Variants in CPNE5 observed in about 807,000 individuals in gnomAD.
CPNE5 encodes the protein copine-5.
A neutral mutation model predicts 81.1 loss-of-function variants in CPNE5; 42 were observed. The observed-to-expected ratio is 0.52, with a 90% CI of 0.40 to 0.67. The LOEUF (loss-of-function observed/expected upper bound fraction) is 0.67. Among genes scored for constraint, CPNE5 ranks in the 30% least tolerant of loss-of-function variants. The pLI is 0.00. For synonymous variants in CPNE5, 313 were observed against 321.5 expected (o/e 0.97, Z 0.28); for missense variants, 612 against 815.5 (o/e 0.75, Z 3.04).
At chr6:36,802,217 CAAAAAAAAAAAA>C (rs57677612) in intron 3 of CPNE5, among the ~76,000 whole-genome samples, 2 of 56,736 alleles carry the variant, frequency 3.5e-5, no homozygotes, top group African/African-American at 6.6e-5. Flanking sequence ...GACTCCATCT[CAAAAAAAAAAAA>C]AAAAAAAAAA....
chr6:36,807,236 G>A (rs236401), intron 3 of CPNE5, among the ~76,000 whole-genome samples: 22,634 of 152,180 alleles, frequency 0.15, 1,973 homozygotes, highest in Admixed American at 0.26. Flanking sequence ...AAGTGAAGTC[G>A]TTAATAGTGC....
At chr6:36,813,962 T>A (rs545173770) in intron 3 of CPNE5, among the ~76,000 whole-genome samples, 3 of 152,282 alleles carry the variant, frequency 2.0e-5, no homozygotes, top group Non-Finnish European at 4.4e-5. Context: ...CCCACAAAGG[T>A]CTCTTAGCCC....
intron 6 of CPNE5, among the ~76,000 whole-genome samples, chr6:36,795,173 T>G (rs911168648): frequency 6.6e-6 from 1 of 152,178 alleles, no homozygotes; most frequent in African/African-American, 2.4e-5. Context: ...TCTTTTTTAT[T>G]TTTTTATTTT....
At chr6:36,743,377 GA>G in intron 20 of CPNE5, 2 of 426,764 alleles carry the variant, frequency 4.7e-6, no homozygotes, top group South Asian at 9.7e-5. Flanking sequence ...TCAAGGGGCA[GA>G]AAAAAACCAG....
intron 3 of CPNE5, among the ~76,000 whole-genome samples, chr6:36,809,927 A>G (rs1770947646): frequency 6.6e-6 from 1 of 151,568 alleles, no homozygotes; most frequent in Non-Finnish European, 1.5e-5. Flanking sequence ...AAACACTTCC[A>G]TACATCCACG....
chr6:36,809,334 C>T (rs1260401562), intron 3 of CPNE5, among the ~76,000 whole-genome samples: 1 of 152,042 alleles, frequency 6.6e-6, no homozygotes, highest in Non-Finnish European at 1.5e-5. Flanking sequence ...AGTTGGGCAG[C>T]ACTTTGGGAG....
At chr6:36,817,661 G>A (rs551977991) in intron 3 of CPNE5, among the ~76,000 whole-genome samples, 1 of 152,260 alleles carries the variant, frequency 6.6e-6, no homozygotes, top group South Asian at 2.1e-4. Flanking sequence ...TCCCCACACT[G>A]CTCTGTGCCC....
rs182909772 is a variant in CPNE5 at position 36,748,058 on chromosome 6, T to C, written c.1018+163A>G. Among the ~76,000 whole-genome samples the C allele has an allele frequency of 1.1e-3, 165 of 152,370 alleles. 1 individual carries two copies. Among genetic ancestry groups the C allele is most frequent in the African/African-American group, 3.7e-3 (152 of 41,580 alleles). ...CAATGGTCCAACCTGGGGATACTAC[T>C]GCCATCTTGGTTGTATCTTTGGTCC... On this transcript the variant is annotated intron_variant, in intron 15 of 20. Coordinates refer to ENST00000244751, the MANE Select transcript of CPNE5 (RefSeq NM_020939.2).
At chr6:36,780,529 G>A (rs1767951830) in intron 8 of CPNE5, among the ~76,000 whole-genome samples, 1 of 152,198 alleles carries the variant, frequency 6.6e-6, no homozygotes, top group African/African-American at 2.4e-5. Flanking sequence ...TAAAATGGAG[G>A]TAATGGCAGT....
intron 3 of CPNE5, among the ~76,000 whole-genome samples, chr6:36,802,010 A>G: frequency 6.6e-6 from 1 of 152,078 alleles, no homozygotes; most frequent in South Asian, 2.1e-4. Flanking sequence ...CACGAGGTCA[A>G]GAGATCGAGA....
intron 1 of CPNE5, among the ~76,000 whole-genome samples, chr6:36,831,251 C>T (rs577543976): frequency 6.6e-5 from 10 of 151,912 alleles, no homozygotes; most frequent in African/African-American, 1.4e-4. Context: ...GATGTGGTTT[C>T]GCCATGTTGG....
chr6:36,824,967 A>C (rs1772375472), intron 1 of CPNE5, among the ~76,000 whole-genome samples: 1 of 152,016 alleles, frequency 6.6e-6, no homozygotes, highest in Non-Finnish European at 1.5e-5. Context: ...AAAACAAACA[A>C]ATGTCAGAGC....
chr6:36,794,981 C>A (rs1480732300), intron 6 of CPNE5, among the ~76,000 whole-genome samples: 1 of 152,070 alleles, frequency 6.6e-6, no homozygotes, highest in South Asian at 2.1e-4. Flanking sequence ...GACACTGGTA[C>A]CTGCTGCAGC....
intron 10 of CPNE5, among the ~76,000 whole-genome samples, chr6:36,769,178 A>G (rs1183493543): frequency 6.6e-6 from 1 of 152,214 alleles, no homozygotes; most frequent in Non-Finnish European, 1.5e-5. Context: ...TGCTGTATAC[A>G]TATTTGTTGG....
chr6:36,778,879 A>G lies in CPNE5; in HGVS notation c.607T>C (p.Phe203Leu). 6.2e-7 allele frequency: 1 copy of G among 1,605,386 alleles called. No individual in the cohort carries two copies. The highest frequency in any genetic ancestry group is 8.5e-7 in the Non-Finnish European group (1 of 1,172,594). ...FFGKSDPFLVFYRSNEDGTFT... is the reference protein window; with the variant it reads ...FFGKSDPFLVLYRSNEDGTFT... ...GTTCCATCCTCGTTGCTTCTGTAGA[A>G]TACCAAGAAGGGGTCAGATTTCCCA... The change falls in exon 9 of 21, where the codon TTC (phenylalanine) becomes CTC (leucine). Residue 203 changes from phenylalanine to leucine, a missense_variant. Coordinates refer to ENST00000244751, the MANE Select transcript of CPNE5 (RefSeq NM_020939.2).
chr6:36,745,767 G>A (rs1764089156), intron 16 of CPNE5, among the ~76,000 whole-genome samples: 1 of 152,136 alleles, frequency 6.6e-6, no homozygotes, highest in Non-Finnish European at 1.5e-5. Context: ...AAGATCCCTG[G>A]CTGCTTCCCT....
intron 3 of CPNE5, among the ~76,000 whole-genome samples, chr6:36,806,073 T>C (rs369698931): frequency 2.0e-5 from 3 of 152,252 alleles, no homozygotes; most frequent in East Asian, 3.9e-4. Flanking sequence ...AAGGTCTTCC[T>C]GCCCCACATC....
Position 36,839,405 on chromosome 6 carries a change from A to G in CPNE5, c.-28T>C. 1 of 1,523,010 alleles carries G rather than the reference A, an allele frequency of 6.6e-7. No homozygotes were observed. The highest frequency in any genetic ancestry group is 8.9e-7 in the Non-Finnish European group (1 of 1,127,432). 94.3% of individuals were successfully genotyped at this position (1,523,010 alleles called of 1,614,324 possible). ...CCCACCGCACCCCCCACCCCAAATT[A>G]GTCAATCCCTGCGCGATTCACGCCT... is the stretch of plus-strand genomic sequence containing the variant. On this transcript the variant is annotated 5_prime_UTR_variant, in exon 1 of 21. Coordinates refer to ENST00000244751, the MANE Select transcript of CPNE5 (RefSeq NM_020939.2). This position sits in a 1 kb window ranked among gnomAD's most constrained non-coding sequence, Gnocchi z 7.3.
intron 6 of CPNE5, among the ~76,000 whole-genome samples, chr6:36,797,053 C>T (rs774048996): frequency 2.6e-5 from 4 of 152,186 alleles, no homozygotes; most frequent in Non-Finnish European, 5.9e-5. Context: ...TACAGGTGTG[C>T]ACCACCACAC....
Sources: gnomAD v4.1 joint callset for allele counts (sites outside exome capture counted in the v4.1 genomes callset) on GRCh38, gnomAD v4.1.1 for gene constraint, Gnocchi (gnomAD v3.1) non-coding constraint, MANE v1.5 for transcripts, NCBI Gene and HGNC (gene_info 2026-07-23, HGNC 2026-07-21) for gene names.